Variants in C10orf143 observed in about 807,000 individuals in gnomAD.
The protein encoded by C10orf143 is chromosome 10 open reading frame 143.
chr10:130,105,906 G>A (rs1010201904), intron 1 of C10orf143: 2 of 367,370 alleles, frequency 5.4e-6, no homozygotes, highest in Non-Finnish European at 5.4e-6. Context: ...GCATCCCCCA[G>A]CTCCCCCCCG....
At chr10:130,096,848 A>AT (rs953845898) in intron 1 of C10orf143, among the ~76,000 whole-genome samples, 45 of 90,626 alleles carry the variant, frequency 5.0e-4, no homozygotes, top group African/African-American at 1.3e-3. Context: ...CTTAAAATAT[A>AT]TTAAAAAAAA....
At chr10:130,040,533 C>T (rs1335727264) in intron 3 of C10orf143, among the ~76,000 whole-genome samples, 1 of 152,226 alleles carries the variant, frequency 6.6e-6, no homozygotes, top group East Asian at 1.9e-4. Flanking sequence ...AGCCTCCAGA[C>T]AGTGAAGCGC....
chr10:130,042,982 T>G (rs1462066035), intron 3 of C10orf143, among the ~76,000 whole-genome samples: 2 of 152,130 alleles, frequency 1.3e-5, no homozygotes, highest in African/African-American at 2.4e-5. Flanking sequence ...CTTAATACAC[T>G]CCAGGAAAAA....
rs1300215865 is a variant in C10orf143 at position 130,108,316 on chromosome 10, T to A, written c.69+2388A>T. The A allele has an allele frequency of 1.2e-5, 18 of 1,544,460 alleles. No homozygotes were observed. In the East Asian group the frequency reaches 4.1e-4, roughly 35 times the overall value. ...GAAATGTCTATCCACCGAGGGGTTT[T>A]CCTCCTTACCCTCCCCCAAGACCTG... On this transcript the variant is annotated intron_variant, in intron 1 of 3. Coordinates refer to ENST00000637128, the MANE Select transcript of C10orf143 (RefSeq NM_001355042.2).
At chr10:130,068,614 A>AC in intron 3 of C10orf143, 1 of 150,492 alleles carries the variant, frequency 6.6e-6, no homozygotes, top group South Asian at 2.1e-4. Context: ...TCCATCTCAA[A>AC]AAAAAAAAAA....
At chr10:130,055,298 C>A (rs995067285) in intron 3 of C10orf143, among the ~76,000 whole-genome samples, 2 of 152,216 alleles carry the variant, frequency 1.3e-5, no homozygotes, top group Admixed American at 1.3e-4. Context: ...GCAAAGGAAG[C>A]AATCAAGAGT....
chr10:130,053,941 G>C (rs556933751), intron 3 of C10orf143, among the ~76,000 whole-genome samples: 2 of 152,316 alleles, frequency 1.3e-5, no homozygotes, highest in African/African-American at 4.8e-5. Flanking sequence ...AACCCAAATG[G>C]AAAGGACGAG....
chr10:130,069,230 C>A (rs615176), intron 3 of C10orf143, among the ~76,000 whole-genome samples: 2 of 151,882 alleles, frequency 1.3e-5, no homozygotes, highest in East Asian at 1.9e-4. Flanking sequence ...GAGAGGCAGC[C>A]AGATGACATA....
At position 130,079,750 on chromosome 10, in the gene C10orf143, C is replaced by A; in HGVS notation, c.221G>T (p.Arg74Met). 1 of 398,662 alleles carries A rather than the reference C, an allele frequency of 2.5e-6. No homozygotes were observed. The highest frequency in any genetic ancestry group is 4.4e-6 in the Non-Finnish European group (1 of 226,080). The allele number at this position is 398,662 out of a possible 1,614,324, so 24.7% of individuals were successfully genotyped here. The change falls in exon 2 of 4, where the codon AGG becomes ATG. Residue 74 changes from arginine to methionine, a missense_variant. Arg to Met is a moderately conservative substitution (Grantham distance 91, BLOSUM62 -1). Coordinates refer to ENST00000637128, the MANE Select transcript of C10orf143 (RefSeq NM_001355042.2). Reference sequence around the variant, plus strand: ...AGAGGAACATACCCCTGTACTTAGCCTCCCCTGGCCACTCTCTGGCCTTGG... The same window carrying A: ...AGAGGAACATACCCCTGTACTTAGCATCCCCTGGCCACTCTCTGGCCTTGG... ...PAPRPESGQG[R>M]LSTGISQNGG...
At chr10:130,038,183 G>C (rs913886395) in intron 3 of C10orf143, among the ~76,000 whole-genome samples, 3 of 152,178 alleles carry the variant, frequency 2.0e-5, no homozygotes, top group African/African-American at 7.2e-5. Flanking sequence ...GGCACAGAGG[G>C]AGGCATGGAC....
chr10:130,035,877 C>T (rs886937880), exon 4 of C10orf143: 3 of 152,254 alleles, frequency 2.0e-5, no homozygotes, highest in African/African-American at 4.8e-5. Flanking sequence ...ATTCTGGAGG[C>T]TGGAGGTCTG....
intron 1 of C10orf143, among the ~76,000 whole-genome samples, chr10:130,109,372 A>T (rs1337767949): frequency 3.3e-5 from 5 of 151,992 alleles, no homozygotes; most frequent in Admixed American, 3.3e-4. Flanking sequence ...AGGGGAAGGA[A>T]CTTAGGTCCC....
At chr10:130,077,216 C>T (rs1861132640) in intron 3 of C10orf143, among the ~76,000 whole-genome samples, 1 of 151,996 alleles carries the variant, frequency 6.6e-6, no homozygotes, top group African/African-American at 2.4e-5. Context: ...AAGAGGTCTA[C>T]CGAGGAAGTC....
intron 1 of C10orf143, among the ~76,000 whole-genome samples, chr10:130,082,170 C>G (rs544894774): frequency 2.0e-4 from 31 of 151,878 alleles, no homozygotes; most frequent in Admixed American, 3.9e-4. Context: ...TTTATACATA[C>G]ATATATGATC....
chr10:130,072,913 G>A (rs1422628266), intron 3 of C10orf143, among the ~76,000 whole-genome samples: 1 of 152,194 alleles, frequency 6.6e-6, no homozygotes, highest in Non-Finnish European at 1.5e-5. Context: ...GCACCAAACA[G>A]ACTTGTTCAA....
chr10:130,046,939 G>A (rs1336966371), intron 3 of C10orf143, among the ~76,000 whole-genome samples: 6 of 152,250 alleles, frequency 3.9e-5, no homozygotes, highest in African/African-American at 1.4e-4. Flanking sequence ...GTGTGTAAGC[G>A]TGCACACTTG....
intron 1 of C10orf143, chr10:130,107,704 A>G (rs1207144414): frequency 3.2e-6 from 4 of 1,258,006 alleles, no homozygotes; most frequent in East Asian, 2.4e-5. Context: ...CAGGGGGGGA[A>G]GGAAGAGGCT....
At chr10:130,078,263 G>A (rs1398577534) in intron 3 of C10orf143, among the ~76,000 whole-genome samples, 6 of 152,048 alleles carry the variant, frequency 3.9e-5, no homozygotes, top group African/African-American at 1.4e-4. Context: ...GTAAGAATCT[G>A]TACTACATTC....
At chr10:130,083,488 C>G (rs1861240369) in intron 1 of C10orf143, among the ~76,000 whole-genome samples, 1 of 152,162 alleles carries the variant, frequency 6.6e-6, no homozygotes, top group African/African-American at 2.4e-5. Context: ...TGGAAACAAC[C>G]TAAATGCCCC....
Sources: gnomAD v4.1 joint callset for allele counts (sites outside exome capture counted in the v4.1 genomes callset) on GRCh38, gnomAD v4.1.1 for gene constraint, MANE v1.5 for transcripts, NCBI Gene and HGNC (gene_info 2026-07-23, HGNC 2026-07-21) for gene names.